Variants in ADGRL3 observed in about 807,000 individuals in gnomAD.
The protein encoded by ADGRL3 is adhesion G protein-coupled receptor L3, also known as calcium-independent alpha-latrotoxin receptor 3.
In ADGRL3, 62 loss-of-function variants were observed where a neutral mutation model predicts 153.5. That is an observed-to-expected ratio of 0.40 (90% confidence interval 0.33 to 0.50). The LOEUF is 0.50. Among genes scored for constraint, ADGRL3 ranks in the 20% least tolerant of loss-of-function variants. The pLI is 0.47. For missense variants in ADGRL3, 1,641 were observed against 1,859.4 expected, an observed-to-expected ratio of 0.88 and a Z score of 2.16; for synonymous variants, 710 against 672.5, an observed-to-expected ratio of 1.06 and a Z score of -0.86.
At chr4:61,951,090 C>CT (rs1369862286) in intron 17 of ADGRL3, among the ~76,000 whole-genome samples, 1 of 152,074 alleles carries the variant, frequency 6.6e-6, no homozygotes, top group South Asian at 2.1e-4. Flanking sequence ...ATTTCCATCT[C>CT]TTGTGCTTGA....
intron 1 of ADGRL3, among the ~76,000 whole-genome samples, chr4:61,255,313 A>G (rs1019369893): frequency 2.6e-5 from 4 of 152,174 alleles, no homozygotes; most frequent in Non-Finnish European, 2.9e-5. Flanking sequence ...GAAATGATTC[A>G]TTTGGTCTTC....
intron 8 of ADGRL3, among the ~76,000 whole-genome samples, chr4:61,778,514 A>T (rs1346976597): frequency 6.6e-6 from 1 of 152,176 alleles, no homozygotes; most frequent in Non-Finnish European, 1.5e-5. Flanking sequence ...AAACTTTAAA[A>T]TTTTTGCTTT....
chr4:61,474,629 G>C (rs548145565), intron 2 of ADGRL3, among the ~76,000 whole-genome samples: 1 of 152,092 alleles, frequency 6.6e-6, no homozygotes, highest in African/African-American at 2.4e-5. Context: ...TAACAAGAAA[G>C]ACAAATATGA....
chr4:61,605,089 CAAAAAAAAAAAAAAA>C (rs71211396), intron 5 of ADGRL3, among the ~76,000 whole-genome samples: 2 of 61,420 alleles, frequency 3.3e-5, no homozygotes, highest in African/African-American at 1.3e-4. Flanking sequence ...GACTCTGTCT[CAAAAAAAAAAAAAAA>C]AAAAAAAAAA....
Position 61,423,130 on chromosome 4 carries a change from G to A in ADGRL3, c.-174+39941G>A, listed in dbSNP as rs11931131. ...AGGTAAAATTATATAGCTTATCTGA[G>A]TTAGTTTCTCTCCAAATTTTGCAGT... is the stretch of plus-strand genomic sequence containing the variant. On this transcript the variant is annotated intron_variant, in intron 2 of 26. Coordinates refer to ENST00000683033, the MANE Select transcript of ADGRL3 (RefSeq NM_001387552.1). 8.3e-3 allele frequency among the ~76,000 whole-genome samples: 1,265 copies of A among 152,240 alleles called. 27 individuals carry two copies. The highest frequency in any genetic ancestry group is 0.029 in the African/African-American group (1,189 of 41,536).
In ADGRL3 at chr4:62,075,057, GA is replaced by G. The variant is rs1437683418; in HGVS notation, c.*4154del. 1.3e-5 allele frequency: 2 copies of G among 151,936 alleles called. No individual in the cohort carries two copies. The highest frequency in any genetic ancestry group is 2.4e-5 in the African/African-American group (1 of 41,390). 9.4% of individuals were successfully genotyped at this position (151,936 alleles called of 1,614,324 possible). Reference sequence around the variant, plus strand: ...TTACTGTAAAGATCAAAAGGGAGAGGAAAAATAGTTTACAAGTTTTCTAAAG... The same window carrying G: ...TTACTGTAAAGATCAAAAGGGAGAGGAAAATAGTTTACAAGTTTTCTAAAG... On this transcript the variant is annotated 3_prime_UTR_variant, in exon 27 of 27. Coordinates refer to ENST00000683033, the MANE Select transcript of ADGRL3 (RefSeq NM_001387552.1).
rs2096467724 is a variant in ADGRL3, at chr4:61,733,502, C to T, written c.1347C>T (p.Asn449=). 1 of 1,613,494 alleles carries T rather than the reference C, an allele frequency of 6.2e-7. No individual in the cohort carries two copies. The highest frequency in any genetic ancestry group is 8.5e-7 in the Non-Finnish European group (1 of 1,179,750). Residue 449 remains asparagine, a synonymous_variant, in exon 8 of 27, where the codon AAC becomes AAT. Transcript: ENST00000683033. ...PRDNLLYVWN[N]YHVVKYSLDF... Reference sequence around the variant, plus strand: ...ACAACCTACTTTATGTATGGAATAACTATCACGTCGTGAAATATTCTTTGG... The same window carrying T: ...ACAACCTACTTTATGTATGGAATAATTATCACGTCGTGAAATATTCTTTGG...
intron 1 of ADGRL3, among the ~76,000 whole-genome samples, chr4:61,349,986 C>T (rs979556678): frequency 1.3e-5 from 2 of 152,076 alleles, no homozygotes; most frequent in Non-Finnish European, 1.5e-5. Flanking sequence ...TGAATAATCA[C>T]GCAGAACAAG....
At chr4:61,654,789 C>A (rs535075743) in intron 5 of ADGRL3, among the ~76,000 whole-genome samples, 3 of 151,760 alleles carry the variant, frequency 2.0e-5, no homozygotes, top group South Asian at 4.2e-4. Context: ...CCTAGTTACT[C>A]GGGAGGCTGA....
chr4:61,786,620 T>C (rs1169335350), intron 8 of ADGRL3, among the ~76,000 whole-genome samples: 3 of 152,208 alleles, frequency 2.0e-5, no homozygotes, highest in Non-Finnish European at 4.4e-5. Context: ...TTGTTTTTAT[T>C]TTTAAACAGA....
Position 61,418,393 on chromosome 4 carries a change from A to G in ADGRL3, c.-174+35204A>G, listed in dbSNP as rs187884377. Reference sequence around the variant, plus strand: ...ATTGTCTGATATTCTGCAATTGAGCATATTTCAGGCCGTGAACATCGGACA... The same window carrying G: ...ATTGTCTGATATTCTGCAATTGAGCGTATTTCAGGCCGTGAACATCGGACA... On this transcript the variant is annotated intron_variant, in intron 2 of 26. Coordinates refer to ENST00000683033, the MANE Select transcript of ADGRL3 (RefSeq NM_001387552.1). 1.3e-4 allele frequency among the ~76,000 whole-genome samples: 20 copies of G among 152,296 alleles called. No individual in the cohort carries two copies. In the East Asian group the frequency reaches 2.5e-3, roughly 19 times the overall value.
Position 61,714,141 on chromosome 4 carries a change from A to T in ADGRL3, c.584-16481A>T, listed in dbSNP as rs573444216. Among the ~76,000 whole-genome samples the T allele has an allele frequency of 5.3e-5, 8 of 152,068 alleles. No homozygotes were observed. The South Asian group carries it at 1.7e-3, about 32-fold the overall frequency. ...TGAAAGAAAGTGACAAAAAGAAGCT[A>T]GTAATGTTGTAGCAGTAAACAAACA... On this transcript the variant is annotated intron_variant, in intron 6 of 26. Transcript: ENST00000683033.
At chr4:61,966,211 G>A (rs1456899661) in intron 17 of ADGRL3, among the ~76,000 whole-genome samples, 1 of 152,092 alleles carries the variant, frequency 6.6e-6, no homozygotes, top group Non-Finnish European at 1.5e-5. Flanking sequence ...GTTTTGTTCA[G>A]TACCTGGCAC....
At chr4:61,301,782 G>A (rs2094586345) in intron 1 of ADGRL3, among the ~76,000 whole-genome samples, 1 of 152,052 alleles carries the variant, frequency 6.6e-6, no homozygotes, top group South Asian at 2.1e-4. Flanking sequence ...CCATGGACAA[G>A]GACAAATCTG....
chr4:61,779,755 A>C (rs2097193709), intron 8 of ADGRL3, among the ~76,000 whole-genome samples: 1 of 151,438 alleles, frequency 6.6e-6, no homozygotes, highest in Non-Finnish European at 1.5e-5. Flanking sequence ...TGTGTTTTAA[A>C]TTTCTGTGAC....
At chr4:61,456,238 A>T (rs1042541988) in intron 2 of ADGRL3, among the ~76,000 whole-genome samples, 67 of 151,116 alleles carry the variant, frequency 4.4e-4, no homozygotes, top group African/African-American at 1.5e-3. Flanking sequence ...TTGGCTATTC[A>T]TAAAATAATT....
At chr4:61,894,572 G>A (rs1397547474) in intron 10 of ADGRL3, among the ~76,000 whole-genome samples, 2 of 152,088 alleles carry the variant, frequency 1.3e-5, no homozygotes, top group African/African-American at 2.4e-5. Flanking sequence ...TTGTTTTGAA[G>A]ATTAGTGAAA....
At chr4:61,409,526 T>C (rs930651555) in intron 2 of ADGRL3, among the ~76,000 whole-genome samples, 9 of 150,718 alleles carry the variant, frequency 6.0e-5, no homozygotes, top group African/African-American at 1.9e-4. Context: ...TGTGATAGTC[T>C]TAATTAATTC....
chr4:61,833,802 TTGTCTTTG>T (rs2097901308), intron 9 of ADGRL3, among the ~76,000 whole-genome samples: 1 of 152,142 alleles, frequency 6.6e-6, no homozygotes, highest in Non-Finnish European at 1.5e-5. Flanking sequence ...AAGATTGTTA[TTGTCTTTG>T]TTTTAGACTA....
Sources: gnomAD v4.1 joint callset for allele counts (sites outside exome capture counted in the v4.1 genomes callset) on GRCh38, gnomAD v4.1.1 for gene constraint, MANE v1.5 for transcripts, NCBI Gene and HGNC (gene_info 2026-07-23, HGNC 2026-07-21) for gene names.